The following TRIO variants were observed in gnomAD, a reference collection of about 807,000 sequenced individuals.
The protein encoded by TRIO is trio Rho guanine nucleotide exchange factor.
A neutral mutation model predicts 351.9 loss-of-function variants in TRIO; 58 were observed. The ratio of observed to expected loss-of-function variants is 0.16; its 90% CI spans 0.13 to 0.21. The LOEUF is 0.21. Ranked by LOEUF, TRIO falls within the 10% of genes least tolerant of loss-of-function variation. TRIO has a pLI of 1.00. For missense variants in TRIO, 3,201 were observed against 4,027.8 expected, an observed-to-expected ratio of 0.79 and a Z score of 5.56; for synonymous variants, 1,758 against 1,595.7, an observed-to-expected ratio of 1.10 and a Z score of -2.42.
rs149932517 is a variant in TRIO, at chr5:14,406,294, A to T, written c.4860-279A>T. On this transcript the variant is annotated intron_variant, in intron 32 of 56. Coordinates refer to ENST00000344204, the MANE Select transcript of TRIO (RefSeq NM_007118.4). ...CATGACCTTGGATAAGTTATAAAGC[A>T]TCGAGATGTTGCTGTTTTCTCATTT... The T allele has an allele frequency of 1.4e-3, 771 of 558,926 alleles. 2 individuals are homozygous for T. Among genetic ancestry groups the T allele is most frequent in the Middle Eastern group, 8.8e-3 (18 of 2,050 alleles). 34.6% of individuals were successfully genotyped at this position (558,926 alleles called of 1,614,324 possible).
Position 14,485,238 on chromosome 5 carries a change from T to C in TRIO, c.6827T>C (p.Phe2276Ser). The part of the protein sequence containing the change: ...INQILENQRN[F>S]LNALTSPIEY... ...CAAATTTTAGAAAACCAGCGCAATT[T>C]TTTAAATGGTAATGTGTGTTCTGTT... Residue 2276 changes from phenylalanine to serine, a missense_variant, in exon 47 of 57, where the codon TTT becomes TCT. Phe to Ser is a radical substitution (Grantham distance 155). Transcript: ENST00000344204. The C allele has an allele frequency of 1.9e-6, 3 of 1,579,446 alleles. No individual in the cohort carries two copies. The highest frequency in any genetic ancestry group is 2.6e-6 in the Non-Finnish European group (3 of 1,155,456).
chr5:14,292,705 T>G (rs1737014597), intron 5 of TRIO, among the ~76,000 whole-genome samples: 1 of 152,226 alleles, frequency 6.6e-6, no homozygotes, highest in African/African-American at 2.4e-5. Flanking sequence ...GCAGGGAGAC[T>G]GGGCTGAGAG....
rs749706981 is a variant in TRIO at position 14,364,827 on chromosome 5, G to A, written c.2754+11G>A. ...GCAGAAGTGAAACAGGTGAGCAAAC[G>A]ACTGGATGCTTGGGGAGGCTGCGCT... On this transcript the variant is annotated intron_variant, in intron 15 of 56. Coordinates refer to ENST00000344204, the MANE Select transcript of TRIO (RefSeq NM_007118.4). The A allele has an allele frequency of 4.4e-6, 7 of 1,603,460 alleles. No homozygotes were observed. The highest frequency in any genetic ancestry group is 3.4e-5 in the Admixed American group (2 of 58,892).
intron 1 of TRIO, among the ~76,000 whole-genome samples, chr5:14,213,425 G>A (rs1313400204): frequency 1.3e-5 from 2 of 151,666 alleles, no homozygotes; most frequent in African/African-American, 2.4e-5. Context: ...TAGCAGAGGC[G>A]AGCAGGCTAC....
chr5:14,276,463 G>A (rs1581507227), intron 2 of TRIO, among the ~76,000 whole-genome samples: 1 of 152,228 alleles, frequency 6.6e-6, no homozygotes, highest in African/African-American at 2.4e-5. Context: ...GAGCCCCGTG[G>A]GCGTCCTTTT....
Position 14,504,798 on chromosome 5 carries a change from C to T in TRIO, c.8612+205C>T. 10 of 637,894 alleles carry T rather than the reference C, an allele frequency of 1.6e-5. No individual in the cohort carries two copies. The South Asian group carries it at 2.0e-4, about 13-fold the overall frequency. The allele number at this position is 637,894 out of a possible 1,614,324, so 39.5% of individuals were successfully genotyped here. A position where few individuals can be genotyped will look rare whatever the true frequency, so the allele number is the denominator to read the frequency against. On this transcript the variant is annotated intron_variant, in intron 55 of 56. Transcript: ENST00000344204. Reference sequence around the variant, plus strand: ...GTGTGGTCTTCCACAGGGCGGTTGCCTGATGAAGGGCAGTCACTGCTGGGA... The same window carrying T: ...GTGTGGTCTTCCACAGGGCGGTTGCTTGATGAAGGGCAGTCACTGCTGGGA...
chr5:14,337,367 TTAAAA>T (rs1741515225), intron 11 of TRIO, among the ~76,000 whole-genome samples: 1 of 152,152 alleles, frequency 6.6e-6, no homozygotes, highest in African/African-American at 2.4e-5. Flanking sequence ...AAAAAATAAT[TTAAAA>T]TAAAAGTTCA....
chr5:14,144,023 C>G, intron 1 of TRIO, 141 bp downstream of exon 1: 1 of 565,504 alleles, frequency 1.8e-6, no homozygotes, highest in Non-Finnish European at 2.3e-6. Flanking sequence ...TCGCCTGGGA[C>G]CACTGCTTCC....
rs140416798 is a variant in TRIO, at chr5:14,503,578, G to A, written c.8412-815G>A. Among the ~76,000 whole-genome samples the A allele has an allele frequency of 6.2e-3, 944 of 152,262 alleles. 13 individuals carry two copies. Among genetic ancestry groups the A allele is most frequent in the African/African-American group, 0.021 (870 of 41,536 alleles). On this transcript the variant is annotated intron_variant, in intron 54 of 56. Coordinates refer to ENST00000344204, the MANE Select transcript of TRIO (RefSeq NM_007118.4). Reference sequence around the variant, plus strand: ...CGACTTTCACCCTGGGCTCCCCCACGTGAGGGCAGTGGCATCCCAGAACAG... The same window carrying A: ...CGACTTTCACCCTGGGCTCCCCCACATGAGGGCAGTGGCATCCCAGAACAG...
chr5:14,386,789 A>C (rs13361528), intron 21 of TRIO, among the ~76,000 whole-genome samples: 217 of 152,364 alleles, frequency 1.4e-3, no homozygotes, highest in African/African-American at 4.7e-3. Flanking sequence ...CATACAAAAT[A>C]GAATAATTTT....
chr5:14,290,875 C>G lies in TRIO; in HGVS notation c.700C>G (p.Leu234Val). The G allele has an allele frequency of 6.2e-7, 1 of 1,614,142 alleles. No individual in the cohort carries two copies. The highest frequency in any genetic ancestry group is 8.5e-7 in the Non-Finnish European group (1 of 1,180,036). ...ISNATHMLSR[L>V]EELQDILAKK... ...CAATGCCACCCACATGCTGTCTCGG[C>G]TGGAGGAACTTCAGGACATCCTAGC... is the stretch of plus-strand genomic sequence containing the variant. The change falls in exon 5 of 57, where the codon CTG (leucine) becomes GTG (valine). Residue 234 changes from leucine (L) to valine (V), a missense_variant. By Grantham distance (32) the Leu-to-Val change is conservative. Around this residue, in one of 19 missense-constraint regions of TRIO, gnomAD observed 349 missense variants for 449.3 expected, o/e 0.78. Transcript: ENST00000344204.
chr5:14,253,870 A>C (rs1794881031), intron 1 of TRIO, among the ~76,000 whole-genome samples: 1 of 152,234 alleles, frequency 6.6e-6, no homozygotes, highest in South Asian at 2.1e-4. Flanking sequence ...TGACATCACA[A>C]CAGATTAAAG....
chr5:14,497,970 TCC>T lies in TRIO; in HGVS notation c.8047+97_8047+98del. 2 of 1,610,160 alleles carry T rather than the reference TCC, an allele frequency of 1.2e-6. No individual in the cohort carries two copies. Among genetic ancestry groups the T allele is most frequent in the Non-Finnish European group, 1.7e-6 (2 of 1,176,660 alleles). ...GAGTGTGGCCTCTGGAAATGAGTTTTCCGTGGCGCTCTAGGCGTGCATAGCAG... is the reference window on the plus strand; with the variant it reads ...GAGTGTGGCCTCTGGAAATGAGTTTTGTGGCGCTCTAGGCGTGCATAGCAG... On this transcript the variant is annotated intron_variant, in intron 51 of 56. Coordinates refer to ENST00000344204, the MANE Select transcript of TRIO (RefSeq NM_007118.4). The surrounding 1 kb of genome is among the most constrained non-coding windows in gnomAD (Gnocchi z 4.4).
At chr5:14,192,738 G>C (rs1790532739) in intron 1 of TRIO, among the ~76,000 whole-genome samples, 1 of 152,164 alleles carries the variant, frequency 6.6e-6, no homozygotes, top group Non-Finnish European at 1.5e-5. Flanking sequence ...GACTTACTCT[G>C]GGTTGCTATT....
intron 21 of TRIO, among the ~76,000 whole-genome samples, chr5:14,383,035 C>CA (rs1746250219): frequency 6.6e-6 from 1 of 152,196 alleles, no homozygotes; most frequent in South Asian, 2.1e-4. Flanking sequence ...AGTGCATCCT[C>CA]AAACTTCTGA....
intron 1 of TRIO, among the ~76,000 whole-genome samples, chr5:14,205,746 A>C (rs1337829211): frequency 6.6e-6 from 1 of 152,188 alleles, no homozygotes; most frequent in Non-Finnish European, 1.5e-5. Context: ...TTATTTATTT[A>C]TTTAGAGACA....
At chr5:14,349,376 A>C (rs965080573) in intron 11 of TRIO, among the ~76,000 whole-genome samples, 18 of 152,142 alleles carry the variant, frequency 1.2e-4, no homozygotes, top group African/African-American at 4.3e-4. Flanking sequence ...ACATGTGAGC[A>C]TGTGTGTGTT....
intron 1 of TRIO, among the ~76,000 whole-genome samples, chr5:14,203,264 G>C (rs1380941025): frequency 6.6e-6 from 1 of 152,166 alleles, no homozygotes; most frequent in Non-Finnish European, 1.5e-5. Flanking sequence ...GATTCCAGAA[G>C]GCGTTGAGTC....
At chr5:14,161,324 C>T (rs1440509333) in intron 1 of TRIO, among the ~76,000 whole-genome samples, 1 of 152,158 alleles carries the variant, frequency 6.6e-6, no homozygotes, top group Non-Finnish European at 1.5e-5. Context: ...ACCTGTACCT[C>T]TTTGTGTTTG....
Sources: allele counts gnomAD v4.1 joint callset (sites outside exome capture counted in the v4.1 genomes callset), GRCh38; gene constraint gnomAD v4.1.1; regional missense constraint gnomAD v4.1.1; non-coding constraint Gnocchi (gnomAD v3.1); transcripts MANE v1.5; gene names NCBI Gene and HGNC (gene_info 2026-07-23, HGNC 2026-07-21).